NPHS1: variants seen among roughly 807,000 people sequenced by gnomAD.
NPHS1 encodes the protein nephrin.
In NPHS1, 107 loss-of-function variants were observed where a neutral mutation model predicts 139.7. The observed-to-expected ratio is 0.77, with a 90% confidence interval of 0.66 to 0.90. NPHS1 has a LOEUF of 0.90. NPHS1 is among the 40% of genes least tolerant of loss of function. The pLI, the probability that NPHS1 is intolerant of heterozygous loss-of-function variation, is 0.00. For missense variants in NPHS1, 1,580 were observed against 1,654.2 expected (o/e 0.96, Z 0.78); for synonymous variants, 707 against 706.6 (o/e 1.00, Z -0.01).
intron 22 of NPHS1, among the ~76,000 whole-genome samples, chr19:35,837,985 CTCACACCTGTAA>C (rs1972996972): frequency 6.8e-6 from 1 of 146,056 alleles, no homozygotes; most frequent in Non-Finnish European, 1.5e-5. Context: ...GTCGTGGTGG[CTCACACCTGTAA>C]TCCCAACACT....
rs1281962144 is a variant in NPHS1, at chr19:35,846,043, C to A, written c.1592G>T (p.Gly531Val). 1 of 1,593,864 alleles carries A rather than the reference C, an allele frequency of 6.3e-7. No homozygotes were observed. ...CAGCTGCGTGGACGCGCTGAGCTGT[C>A]CAGCCTTGCACGTGAACTTGGCCTG... is the stretch of plus-strand genomic sequence containing the variant. ...DNQAKFTCKA[G>V]QLSASTQLAV... The change falls in exon 12 of 29, where the codon GGA (glycine) becomes GTA (valine). Residue 531 changes from glycine to valine, a missense_variant. By Grantham distance (109) the Gly-to-Val change is moderately radical. Coordinates refer to ENST00000378910, the MANE Select transcript of NPHS1 (RefSeq NM_004646.4).
rs1973235817 is a variant in NPHS1 at position 35,850,945 on chromosome 19, G to A, written c.526+16C>T. 1 of 1,613,616 alleles carries A rather than the reference G, an allele frequency of 6.2e-7. No homozygotes were observed. Among genetic ancestry groups the A allele is most frequent in the Admixed American group, 1.7e-5 (1 of 59,974 alleles). ...GCTTCATGCTGCCCCCTGCCACCCAGTTCACCCACACTCACTCAGGAGAAT... is the reference window on the plus strand; with the variant it reads ...GCTTCATGCTGCCCCCTGCCACCCAATTCACCCACACTCACTCAGGAGAAT... On this transcript the variant is annotated intron_variant, in intron 4 of 28. Coordinates refer to ENST00000378910, the MANE Select transcript of NPHS1 (RefSeq NM_004646.4).
intron 1 of NPHS1, 29 bp downstream of exon 1, chr19:35,851,751 G>A (rs772288321): frequency 2.1e-5 from 32 of 1,556,332 alleles, no homozygotes; most frequent in South Asian, 4.7e-5. Context: ...GCCACTTGGC[G>A]CTGGGTACAA....
chr19:35,839,660 G>A, intron 20 of NPHS1, 53 bp from the exon 21 acceptor site: 1 of 1,420,826 alleles, frequency 7.0e-7, no homozygotes. Context: ...AATTCCAGAA[G>A]ATTCTGTCCA....
chr19:35,848,439 CT>C (rs1249306434), intron 9 of NPHS1, 42 bp from the exon 10 acceptor site: 2 of 1,613,708 alleles, frequency 1.2e-6, no homozygotes, highest in African/African-American at 1.3e-5. Flanking sequence ...TGCAGCACCC[CT>C]ATCCATCGTG....
intron 17 of NPHS1, among the ~76,000 whole-genome samples, chr19:35,843,100 C>T (rs542052733): frequency 2.0e-5 from 3 of 152,146 alleles, no homozygotes; most frequent in Admixed American, 1.3e-4. Flanking sequence ...ATGGTGTATC[C>T]GTCCATCATC....
intron 19 of NPHS1, 83 bp downstream of exon 19, chr19:35,842,041 C>G: frequency 6.7e-7 from 1 of 1,497,828 alleles, no homozygotes; most frequent in South Asian, 1.2e-5. Flanking sequence ...CGTCTTCCTT[C>G]TCTGCAGGGA....
intron 20 of NPHS1, 108 bp from the exon 21 acceptor site, chr19:35,839,715 G>T: frequency 1.2e-6 from 1 of 853,916 alleles, no homozygotes. Context: ...GCTTCTCATT[G>T]TTCATAGCAT....
intron 14 of NPHS1, among the ~76,000 whole-genome samples, 183 bp from the exon 15 acceptor site, chr19:35,844,642 G>A (rs1973109919): frequency 6.6e-6 from 1 of 152,206 alleles, no homozygotes; most frequent in Non-Finnish European, 1.5e-5. Flanking sequence ...TTAGAATACA[G>A]TTTAGGAAAA....
In NPHS1 at chr19:35,842,692, T is replaced by C. The variant is rs1246339723; in HGVS notation, c.2335-142A>G. ...TGAAGAAAAAAAAATTCTCCTGTCATCCATCTATCCATTTACTCAATCCAT... is the reference window on the plus strand; with the variant it reads ...TGAAGAAAAAAAAATTCTCCTGTCACCCATCTATCCATTTACTCAATCCAT... On this transcript the variant is annotated intron_variant, in intron 17 of 28. Coordinates refer to ENST00000378910, the MANE Select transcript of NPHS1 (RefSeq NM_004646.4). The C allele has an allele frequency of 1.3e-5, 10 of 792,930 alleles. No homozygotes were observed. In the East Asian group the frequency reaches 2.7e-4, roughly 21 times the overall value. 49.1% of individuals were successfully genotyped at this position (792,930 alleles called of 1,614,324 possible).
intron 17 of NPHS1, among the ~76,000 whole-genome samples, chr19:35,842,951 A>T (rs1973082717): frequency 6.6e-6 from 1 of 151,462 alleles, no homozygotes; most frequent in African/African-American, 2.4e-5. Context: ...TCAACTATTC[A>T]CTCACGCTTG....
At chr19:35,834,970 G>A (rs1205606397) in intron 23 of NPHS1, among the ~76,000 whole-genome samples, 1 of 151,734 alleles carries the variant, frequency 6.6e-6, no homozygotes, top group Non-Finnish European at 1.5e-5. Context: ...AGCTGAGGCA[G>A]GCAGATCACT....
At chr19:35,848,540 A>C in intron 9 of NPHS1, 97 bp downstream of exon 9, 8 of 1,582,564 alleles carry the variant, frequency 5.1e-6, no homozygotes, top group Non-Finnish European at 6.9e-6. Context: ...CTCAAGGAGA[A>C]AGCCCCCCAG....
At chr19:35,827,259 G>A (rs141921465) in intron 28 of NPHS1, among the ~76,000 whole-genome samples, 104 of 151,986 alleles carry the variant, frequency 6.8e-4, no homozygotes, top group African/African-American at 2.2e-3. Context: ...GGGATTATAA[G>A]TCACTGGGAT....
intron 2 of NPHS1, 23 bp from the exon 3 acceptor site, chr19:35,851,407 G>C: frequency 1.2e-6 from 2 of 1,612,748 alleles, no homozygotes; most frequent in South Asian, 2.2e-5. Flanking sequence ...CCGGAAGTCA[G>C]GGCCGCAGCT....
rs35238405 is a variant in NPHS1, at chr19:35,849,565, T to C, written c.697A>G (p.Thr233Ala). Residue 233 changes from threonine (T) to alanine (A), a missense_variant, in exon 6 of 29, where the codon ACC becomes GCC. Transcript: ENST00000378910. ...ALEAPIKASFTVNVLFPPGPP... is the reference protein window; with the variant it reads ...ALEAPIKASFAVNVLFPPGPP... ...CTCCACTTACACAGAACATTCACGGTGAATGAGGCCTTGATGGGGGCCTCC... is the reference window on the plus strand; with the variant it reads ...CTCCACTTACACAGAACATTCACGGCGAATGAGGCCTTGATGGGGGCCTCC... 4.9e-4 allele frequency: 795 copies of C among 1,613,762 alleles called. 3 individuals carry two copies. The African/African-American group carries it at 8.8e-3, about 18-fold the overall frequency.
chr19:35,825,474 G>A lies in NPHS1; in HGVS notation c.*1040C>T, dbSNP rs181405524. 3.3e-5 allele frequency among the ~76,000 whole-genome samples: 5 copies of A among 152,086 alleles called. No homozygotes were observed. The highest frequency in any genetic ancestry group is 4.8e-5 in the African/African-American group (2 of 41,474). On this transcript the variant is annotated 3_prime_UTR_variant, in exon 29 of 29. Coordinates refer to ENST00000378910, the MANE Select transcript of NPHS1 (RefSeq NM_004646.4). ...TGAGTTTTGACAAATCTGTGCACCC[G>A]TGCAACCACCACCACAATCGTTATA...
Position 35,842,268 on chromosome 19 carries a change from A to C in NPHS1, c.2519T>G (p.Val840Gly), listed in dbSNP as rs748705495. The C allele has an allele frequency of 2.5e-6, 4 of 1,612,680 alleles. No homozygotes were observed. The highest frequency in any genetic ancestry group is 2.2e-5 in the South Asian group (2 of 91,066). Reference sequence around the variant, plus strand: ...CTTAGTTAGGGGAGTGGGGTGCTCCACCTGGGGGGCAACTGGGAGGGGATG... The same window carrying C: ...CTTAGTTAGGGGAGTGGGGTGCTCCCCCTGGGGGGCAACTGGGAGGGGATG... Reference protein sequence around the residue: ...LRLVVRFAPQVEHPTPLTKVA... With the variant: ...LRLVVRFAPQGEHPTPLTKVA... Residue 840 changes from valine (V) to glycine (G), a missense_variant, in exon 19 of 29, where the codon GTG (valine) becomes GGG (glycine). Coordinates refer to ENST00000378910, the MANE Select transcript of NPHS1 (RefSeq NM_004646.4).
At chr19:35,833,839 G>T (rs903084194) in intron 23 of NPHS1, among the ~76,000 whole-genome samples, 1 of 152,158 alleles carries the variant, frequency 6.6e-6, no homozygotes, top group Non-Finnish European at 1.5e-5. Flanking sequence ...TGGGACTGCA[G>T]GCATGCACTG....
Sources: allele counts gnomAD v4.1 joint callset (sites outside exome capture counted in the v4.1 genomes callset), GRCh38; gene constraint gnomAD v4.1.1; transcripts MANE v1.5; gene names NCBI Gene and HGNC (gene_info 2026-07-23, HGNC 2026-07-21).